The following KLF12 variants were observed in gnomAD, a reference collection of about 807,000 sequenced individuals.
The protein encoded by KLF12 is Krueppel-like factor 12.
In KLF12, 9 loss-of-function variants were observed where a neutral mutation model predicts 37.8. The observed-to-expected ratio is 0.24, with a 90% CI of 0.14 to 0.42. KLF12 has a LOEUF of 0.42. Among genes scored for constraint, KLF12 ranks in the 10% least tolerant of loss-of-function variants. KLF12 has a pLI of 1.00. For missense variants in KLF12, 411 were observed against 516.0 expected (o/e 0.80, Z 1.97); for synonymous variants, 208 against 202.1 (o/e 1.03, Z -0.25).
intron 5 of KLF12, among the ~76,000 whole-genome samples, chr13:73,769,262 T>C (rs1157128511): frequency 6.6e-6 from 1 of 152,206 alleles, no homozygotes; most frequent in African/African-American, 2.4e-5. Flanking sequence ...TCCAATGTAG[T>C]TGGTATCCAC....
intron 2 of KLF12, among the ~76,000 whole-genome samples, chr13:73,977,939 A>G (rs1891582304): frequency 1.3e-5 from 2 of 152,242 alleles, no homozygotes; most frequent in South Asian, 4.1e-4. Context: ...AAATCTAGCC[A>G]CAGAGCTTAT....
chr13:74,075,295 AG>A (rs1228645894), intron 1 of KLF12, among the ~76,000 whole-genome samples: 1 of 152,224 alleles, frequency 6.6e-6, no homozygotes, highest in African/African-American at 2.4e-5. Context: ...TCCTTCTTGA[AG>A]GATCAGACAG....
rs558165847 is a variant in KLF12, at chr13:74,093,804, A to C, written c.-32+39935T>G. On this transcript the variant is annotated intron_variant, in intron 1 of 7. Transcript: ENST00000377669. Reference sequence around the variant, plus strand: ...TTTCTCTAGGTAAGTAAAATAAACAAAAATATAAACTAATGTAAATGAGCA... The same window carrying C: ...TTTCTCTAGGTAAGTAAAATAAACACAAATATAAACTAATGTAAATGAGCA... 1.2e-4 allele frequency among the ~76,000 whole-genome samples: 18 copies of C among 152,090 alleles called. No individual in the cohort carries two copies. In the South Asian group the frequency reaches 3.1e-3, roughly 26 times the overall value.
intron 1 of KLF12, among the ~76,000 whole-genome samples, chr13:74,052,767 T>G (rs1299278018): frequency 6.6e-6 from 1 of 152,072 alleles, no homozygotes; most frequent in African/African-American, 2.4e-5. Flanking sequence ...TGTCTGTCCT[T>G]CCCTCCCATT....
chr13:73,698,151 C>T (rs1438407291), intron 7 of KLF12, among the ~76,000 whole-genome samples: 2 of 143,974 alleles, frequency 1.4e-5, no homozygotes, highest in South Asian at 2.2e-4. Flanking sequence ...AGTATGACCC[C>T]GAAAGAAAGA....
chr13:73,818,739 C>T (rs1466461480), intron 4 of KLF12, among the ~76,000 whole-genome samples: 1 of 152,278 alleles, frequency 6.6e-6, no homozygotes, highest in Non-Finnish European at 1.5e-5. Context: ...AATCCCTTCA[C>T]CTCCACGCGC....
chr13:73,901,535 T>C (rs1242892465), intron 3 of KLF12, among the ~76,000 whole-genome samples: 1 of 152,066 alleles, frequency 6.6e-6, no homozygotes, highest in Non-Finnish European at 1.5e-5. Context: ...ATAGGATTGC[T>C]CACTCTGTCC....
At chr13:73,699,127 G>A (rs1766712122) in intron 7 of KLF12, among the ~76,000 whole-genome samples, 1 of 151,990 alleles carries the variant, frequency 6.6e-6, no homozygotes, top group African/African-American at 2.4e-5. Context: ...GGGAAGCTGA[G>A]GCAGGAAGAT....
the KLF12 span, among the ~76,000 whole-genome samples, chr13:74,273,953 A>G: frequency 6.6e-6 from 1 of 152,204 alleles, no homozygotes; most frequent in African/African-American, 2.4e-5. Flanking sequence ...CACACAGTGC[A>G]CAAATGCAGT....
chr13:73,995,488 A>C (rs1892086962), intron 1 of KLF12, among the ~76,000 whole-genome samples: 1 of 152,306 alleles, frequency 6.6e-6, no homozygotes, highest in East Asian at 1.9e-4. Context: ...CAACTGAGAG[A>C]ATTTAAAGTA....
At chr13:74,258,719 A>G in the KLF12 span, 1 of 152,130 alleles carries the variant, frequency 6.6e-6, no homozygotes, top group Non-Finnish European at 1.5e-5. Context: ...TAAACACTCA[A>G]CGAGGGAATA....
intron 5 of KLF12, among the ~76,000 whole-genome samples, chr13:73,798,158 G>A (rs754207322): frequency 3.7e-4 from 57 of 152,064 alleles, no homozygotes; most frequent in Non-Finnish European, 3.2e-4. Flanking sequence ...TGACAGAAAC[G>A]AGCAATGGGG....
chr13:74,128,422 G>T (rs1182743385), intron 1 of KLF12, among the ~76,000 whole-genome samples: 2 of 152,058 alleles, frequency 1.3e-5, no homozygotes, highest in African/African-American at 2.4e-5. Flanking sequence ...TGCCACACAA[G>T]AACTTTGTAG....
At position 74,088,482 on chromosome 13, in the gene KLF12, C is replaced by T. The variant is rs537820960; in HGVS notation, c.-32+45257G>A. Among the ~76,000 whole-genome samples the T allele has an allele frequency of 6.8e-4, 103 of 152,292 alleles. 1 individual carries two copies. The highest frequency in any genetic ancestry group is 2.4e-3 in the African/African-American group (101 of 41,574). On this transcript the variant is annotated intron_variant, in intron 1 of 7. Coordinates refer to ENST00000377669, the MANE Select transcript of KLF12 (RefSeq NM_007249.5). ...ATCTTAAGCGATCCGCCCACCACAGCTTCCCAAAGTGCTGGGATTGCAGGC... is the reference window on the plus strand; with the variant it reads ...ATCTTAAGCGATCCGCCCACCACAGTTTCCCAAAGTGCTGGGATTGCAGGC...
intron 1 of KLF12, among the ~76,000 whole-genome samples, chr13:74,068,935 A>G (rs966259479): frequency 6.6e-6 from 1 of 152,078 alleles, no homozygotes; most frequent in Non-Finnish European, 1.5e-5. Flanking sequence ...TGACAAACTG[A>G]CCAACTATTG....
chr13:74,209,575 G>C, the KLF12 span, among the ~76,000 whole-genome samples: 2 of 148,054 alleles, frequency 1.4e-5, no homozygotes, highest in African/African-American at 5.0e-5. Flanking sequence ...TAAATGTATA[G>C]TTAAAAAATT....
At chr13:74,214,051 C>A in the KLF12 span, among the ~76,000 whole-genome samples, 1 of 152,096 alleles carries the variant, frequency 6.6e-6, no homozygotes, top group African/African-American at 2.4e-5. Flanking sequence ...AGAGCTGAGT[C>A]AAGTAGCATA....
At chr13:74,053,697 T>C (rs1168721367) in intron 1 of KLF12, among the ~76,000 whole-genome samples, 1 of 152,130 alleles carries the variant, frequency 6.6e-6, no homozygotes, top group Non-Finnish European at 1.5e-5. Context: ...CAAGCAGATG[T>C]GTAATAAGTA....
chr13:73,897,141 G>A (rs1211359370), intron 3 of KLF12, among the ~76,000 whole-genome samples: 3 of 152,026 alleles, frequency 2.0e-5, no homozygotes, highest in Admixed American at 1.3e-4. Context: ...AGTGGAAGGA[G>A]GGAATATCAA....
Sources: allele counts gnomAD v4.1 joint callset (sites outside exome capture counted in the v4.1 genomes callset), GRCh38; gene constraint gnomAD v4.1.1; transcripts MANE v1.5; gene names NCBI Gene and HGNC (gene_info 2026-07-23, HGNC 2026-07-21).